The following PTPRD variants were observed in gnomAD, a reference collection of about 807,000 sequenced individuals.
PTPRD encodes the protein receptor-type tyrosine-protein phosphatase delta.
In PTPRD, 34 loss-of-function variants were observed where a neutral mutation model predicts 214.5. The observed-to-expected ratio is 0.16, with a 90% CI of 0.12 to 0.21. PTPRD has a LOEUF of 0.21. PTPRD is among the 10% of genes least tolerant of loss of function. The pLI is 1.00. For synonymous variants in PTPRD, 1,128 were observed against 845.7 expected (o/e 1.33, Z -5.79); for missense variants, 2,545 against 2,398.7 (o/e 1.06, Z -1.27).
intron 8 of PTPRD, among the ~76,000 whole-genome samples, chr9:9,434,662 G>A (rs1360840655): frequency 2.6e-5 from 4 of 151,778 alleles, no homozygotes; most frequent in Non-Finnish European, 4.4e-5. Flanking sequence ...CATGGTACTG[G>A]CATAAAAATA....
chr9:10,037,091 A>C (rs979233783), intron 3 of PTPRD, among the ~76,000 whole-genome samples: 15 of 150,796 alleles, frequency 9.9e-5, no homozygotes, highest in Non-Finnish European at 5.9e-5. Flanking sequence ...GAGATTCACT[A>C]TGTTGCCCAG....
intron 2 of PTPRD, among the ~76,000 whole-genome samples, chr9:10,472,139 C>A (rs1428569676): frequency 6.6e-6 from 1 of 151,984 alleles, no homozygotes; most frequent in African/African-American, 2.4e-5. Flanking sequence ...AATTAGAATA[C>A]AGTAAATGAA....
chr9:9,664,080 C>A (rs1034512814), intron 7 of PTPRD, among the ~76,000 whole-genome samples: 2 of 121,768 alleles, frequency 1.6e-5, no homozygotes, highest in Non-Finnish European at 1.8e-5. Context: ...AACATTTACA[C>A]TCCTGTGTAA....
chr9:9,597,100 A>C (rs1438614916), intron 7 of PTPRD, among the ~76,000 whole-genome samples: 1 of 152,022 alleles, frequency 6.6e-6, no homozygotes, highest in Non-Finnish European at 1.5e-5. Context: ...GAAAGTAATC[A>C]GTGAGACAGA....
chr9:8,943,595 A>T (rs2099046566), intron 11 of PTPRD, among the ~76,000 whole-genome samples: 1 of 150,850 alleles, frequency 6.6e-6, no homozygotes, highest in African/African-American at 2.4e-5. Flanking sequence ...TGATTTTTTA[A>T]CCAATTATAT....
At chr9:8,690,146 C>G (rs1401446164) in intron 12 of PTPRD, among the ~76,000 whole-genome samples, 1 of 151,604 alleles carries the variant, frequency 6.6e-6, no homozygotes, top group Admixed American at 6.6e-5. Flanking sequence ...AAATTCCTCT[C>G]CTAACAATTC....
At chr9:9,234,362 C>T (rs2099965195) in intron 9 of PTPRD, among the ~76,000 whole-genome samples, 1 of 152,122 alleles carries the variant, frequency 6.6e-6, no homozygotes, top group African/African-American at 2.4e-5. Context: ...TGGGCCCAGC[C>T]CATGAAACCA....
At chr9:9,041,225 A>C (rs1047817968) in intron 10 of PTPRD, among the ~76,000 whole-genome samples, 5 of 152,136 alleles carry the variant, frequency 3.3e-5, no homozygotes, top group Non-Finnish European at 7.4e-5. Context: ...TTTAACTTTT[A>C]TTTTAAGCTC....
chr9:8,793,277 C>CTCA (rs769125917), intron 11 of PTPRD, among the ~76,000 whole-genome samples: 12,826 of 152,132 alleles, frequency 0.084, 1,216 homozygotes, highest in African/African-American at 0.23. Context: ...TTGGAATAAG[C>CTCA]CAGCTACCAT....
chr9:9,486,536 C>A (rs1049444184), intron 8 of PTPRD, among the ~76,000 whole-genome samples: 1 of 151,990 alleles, frequency 6.6e-6, no homozygotes, highest in Non-Finnish European at 1.5e-5. Context: ...ATCTCTATCG[C>A]TGCCTTCTTA....
At chr9:10,018,199 GAGAGA>G (rs1196489929) in intron 4 of PTPRD, among the ~76,000 whole-genome samples, 1 of 151,922 alleles carries the variant, frequency 6.6e-6, no homozygotes, top group Non-Finnish European at 1.5e-5. Flanking sequence ...GGAGGAGAGA[GAGAGA>G]AGGAGTAGGA....
At chr9:9,533,889 C>A (rs1590951026) in intron 8 of PTPRD, among the ~76,000 whole-genome samples, 1 of 151,950 alleles carries the variant, frequency 6.6e-6, no homozygotes, top group East Asian at 1.9e-4. Flanking sequence ...TTAAAATATA[C>A]TTTTCCATAT....
chr9:10,142,450 A>G (rs2098992652), intron 3 of PTPRD, among the ~76,000 whole-genome samples: 1 of 152,150 alleles, frequency 6.6e-6, no homozygotes, highest in South Asian at 2.1e-4. Flanking sequence ...CAACTCCATC[A>G]AAAAGTGGGC....
At chr9:10,210,677 G>T (rs1219872831) in intron 3 of PTPRD, among the ~76,000 whole-genome samples, 1 of 148,454 alleles carries the variant, frequency 6.7e-6, no homozygotes, top group Non-Finnish European at 1.5e-5. Flanking sequence ...ATATGTATAT[G>T]TTTATATATA....
At chr9:9,744,441 G>A (rs2098438163) in intron 6 of PTPRD, among the ~76,000 whole-genome samples, 1 of 152,042 alleles carries the variant, frequency 6.6e-6, no homozygotes, top group African/African-American at 2.4e-5. Context: ...AGAATTTAAT[G>A]ACCAGTGATA....
intron 9 of PTPRD, among the ~76,000 whole-genome samples, chr9:9,293,389 C>T (rs71497137): frequency 0.13 from 13,947 of 110,606 alleles, 676 homozygotes; most frequent in Middle Eastern, 0.24. Flanking sequence ...TTTGTTTGTT[C>T]TTTTTTTTTT....
Position 10,530,768 on chromosome 9 carries a change from A to G in PTPRD, c.-600+81630T>C, listed in dbSNP as rs553291441. On this transcript the variant is annotated intron_variant, in intron 2 of 45. Transcript: ENST00000381196. Reference sequence around the variant, plus strand: ...ACAGTGAACTATAATGTATTGAACTAGAAGAAAAATTCACATGTTAAAACA... The same window carrying G: ...ACAGTGAACTATAATGTATTGAACTGGAAGAAAAATTCACATGTTAAAACA... 2.0e-5 allele frequency among the ~76,000 whole-genome samples: 3 copies of G among 152,310 alleles called. No homozygotes were observed. In the South Asian group the frequency reaches 6.2e-4, roughly 32 times the overall value.
rs537419963 is a variant in PTPRD at position 10,306,582 on chromosome 9, G to A, written c.-545+34381C>T. Among the ~76,000 whole-genome samples the A allele has an allele frequency of 2.6e-5, 4 of 152,030 alleles. No individual in the cohort carries two copies. The East Asian group carries it at 5.8e-4, about 22-fold the overall frequency. ...TAATGAGAGTTTAACCTAATCAATC[G>A]AGTTTAAGTTCCCCAAGCAGTTTCT... On this transcript the variant is annotated intron_variant, in intron 3 of 45. Coordinates refer to ENST00000381196, the MANE Select transcript of PTPRD (RefSeq NM_002839.4).
At chr9:9,563,923 C>T (rs2083613722) in intron 8 of PTPRD, among the ~76,000 whole-genome samples, 1 of 152,108 alleles carries the variant, frequency 6.6e-6, no homozygotes, top group Admixed American at 6.6e-5. Flanking sequence ...CATGACTTAG[C>T]CCAATGGCTC....
Sources: allele counts gnomAD v4.1 joint callset (sites outside exome capture counted in the v4.1 genomes callset), GRCh38; gene constraint gnomAD v4.1.1; transcripts MANE v1.5; gene names NCBI Gene and HGNC (gene_info 2026-07-23, HGNC 2026-07-21).